The following DNAH7 variants were observed in gnomAD, a reference collection of about 807,000 sequenced individuals.
The protein encoded by DNAH7 is dynein axonemal heavy chain 7.
In DNAH7, 397 loss-of-function variants were observed where a neutral mutation model predicts 444.6. The ratio of observed to expected loss-of-function variants is 0.89; its 90% CI spans 0.82 to 0.97. The LOEUF is 0.97. DNAH7 is among the 50% of genes least tolerant of loss of function. The pLI, the probability that DNAH7 is intolerant of heterozygous loss-of-function variation, is 0.00. For synonymous variants in DNAH7, 1,636 were observed against 1,624.4 expected, an observed-to-expected ratio of 1.01 and a Z score of -0.17; for missense variants, 4,902 against 4,800.8, an observed-to-expected ratio of 1.02 and a Z score of -0.62.
intron 15 of DNAH7, among the ~76,000 whole-genome samples, chr2:195,976,780 A>AGAGAGAGAGAGAGAGAGG (rs1559295046): frequency 1.3e-5 from 2 of 148,914 alleles, no homozygotes; most frequent in African/African-American, 4.9e-5. Flanking sequence ...AGAGAGAGAG[A>AGAGAGAGAGAGAGAGAGG]GAGAGAGACT....
intron 17 of DNAH7, among the ~76,000 whole-genome samples, chr2:195,965,164 G>T (rs1691390318): frequency 2.0e-5 from 3 of 152,056 alleles, no homozygotes; most frequent in South Asian, 4.1e-4. Context: ...TTTTATGAGG[G>T]TTTTCATCAT....
intron 19 of DNAH7, among the ~76,000 whole-genome samples, chr2:195,952,394 G>T (rs879792480): frequency 6.6e-6 from 1 of 151,964 alleles, no homozygotes; most frequent in South Asian, 2.1e-4. Context: ...TGAATCTGAC[G>T]ACTATGTGTC....
chr2:195,873,445 G>C (rs1310638021), intron 39 of DNAH7, 123 bp downstream of exon 39: 1 of 590,728 alleles, frequency 1.7e-6, no homozygotes, highest in African/African-American at 1.9e-5. Context: ...AAACGATGTT[G>C]TCTGTTAACT....
At chr2:195,954,390 G>A (rs1238191409) in intron 19 of DNAH7, among the ~76,000 whole-genome samples, 1 of 152,222 alleles carries the variant, frequency 6.6e-6, no homozygotes, top group African/African-American at 2.4e-5. Context: ...GTATTCCATT[G>A]TGTATATGTG....
At position 196,000,691 on chromosome 2, in the gene DNAH7, C is replaced by A; in HGVS notation, c.1353+13G>T. The A allele has an allele frequency of 6.6e-7, 1 of 1,521,682 alleles. No individual in the cohort carries two copies. Among genetic ancestry groups the A allele is most frequent in the Admixed American group, 2.0e-5 (1 of 49,240 alleles). The allele number at this position is 1,521,682 out of a possible 1,614,324, so 94.3% of individuals were successfully genotyped here. ...ATGCAAATTCAAGCAATCTTAATAT[C>A]CTTGTTACTTACCCACTTGGAATAC... On this transcript the variant is annotated intron_variant, in intron 12 of 64. Coordinates refer to ENST00000312428, the MANE Select transcript of DNAH7 (RefSeq NM_018897.3).
Position 195,845,040 on chromosome 2 carries a change from A to AG in DNAH7, c.8906dup (p.Ser2970PhefsTer2). ...CATTATCAATGGAAAATGAGTCAGA[A>AG]GGTAATCCAGCAATATTCCAAGTTC... On this transcript the variant is annotated frameshift_variant, in exon 47 of 65. Coordinates refer to ENST00000312428, the MANE Select transcript of DNAH7 (RefSeq NM_018897.3). LOFTEE classifies it high-confidence loss of function. 1.2e-6 allele frequency: 2 copies of AG among 1,613,910 alleles called. No individual in the cohort carries two copies. The highest frequency in any genetic ancestry group is 1.7e-6 in the Non-Finnish European group (2 of 1,179,912).
rs1204586603 is a variant in DNAH7 at position 195,787,178 on chromosome 2, T to G, written c.10717-7A>C. 2 of 1,581,576 alleles carry G rather than the reference T, an allele frequency of 1.3e-6. No individual in the cohort carries two copies. Among genetic ancestry groups the G allele is most frequent in the African/African-American group, 2.7e-5 (2 of 72,882 alleles). On this transcript the variant is annotated splice_region_variant and splice_polypyrimidine_tract_variant and intron_variant, in intron 57 of 64. Coordinates refer to ENST00000312428, the MANE Select transcript of DNAH7 (RefSeq NM_018897.3). ...GCAATTTCTTGAATTCCTCCTGTAA[T>G]GAGAAGAAATGATGCCGCATCATTA...
chr2:195,906,820 T>C (rs747236969), intron 26 of DNAH7, 34 bp from the exon 27 acceptor site: 2 of 1,612,026 alleles, frequency 1.2e-6, no homozygotes, highest in South Asian at 1.1e-5. Context: ...GACTTAGTAA[T>C]ACCACATATA....
chr2:195,834,110 G>T, intron 48 of DNAH7, 96 bp downstream of exon 48: 1 of 1,270,902 alleles, frequency 7.9e-7, no homozygotes, highest in Non-Finnish European at 1.1e-6. Context: ...GGTAGGCTGA[G>T]GTGGGAGGAT....
chr2:195,984,858 G>A (rs1380292159), intron 14 of DNAH7, 148 bp from the exon 15 acceptor site: 1 of 684,466 alleles, frequency 1.5e-6, no homozygotes, highest in Non-Finnish European at 2.4e-6. Context: ...AAGCAAATTT[G>A]CATACATTTA....
chr2:195,813,208 G>A (rs1697051749), intron 51 of DNAH7, among the ~76,000 whole-genome samples: 4 of 152,302 alleles, frequency 2.6e-5, no homozygotes, highest in Admixed American at 1.3e-4. Flanking sequence ...TAAATGATTT[G>A]TGTTACAGTA....
chr2:195,784,863 A>C (rs12992242), intron 58 of DNAH7, among the ~76,000 whole-genome samples: 70,992 of 150,888 alleles, frequency 0.47, 18,183 homozygotes, highest in Non-Finnish European at 0.59. Flanking sequence ...TTATATGCTT[A>C]TCATATTGTA....
intron 12 of DNAH7, among the ~76,000 whole-genome samples, chr2:195,992,491 G>T (rs567153103): frequency 6.6e-6 from 1 of 152,318 alleles, no homozygotes; most frequent in African/African-American, 2.4e-5. Flanking sequence ...GCAGTAAACT[G>T]GCTGGGGCTT....
chr2:195,986,929 G>A, intron 14 of DNAH7, 137 bp downstream of exon 14: 3 of 791,296 alleles, frequency 3.8e-6, no homozygotes, highest in Admixed American at 2.9e-5. Flanking sequence ...TTAAAGCCAA[G>A]CAGAAATAAG....
At position 195,775,922 on chromosome 2, in the gene DNAH7, C is replaced by T. The variant is rs1428926077; in HGVS notation, c.11126G>A (p.Gly3709Glu). The T allele has an allele frequency of 1.2e-6, 2 of 1,614,102 alleles. No individual in the cohort carries two copies. Among genetic ancestry groups the T allele is most frequent in the Admixed American group, 1.7e-5 (1 of 60,030 alleles). The part of the protein sequence containing the change: ...LPLTPAPEIF[G>E]MNANADITKD... ...AGTGATATCTGCATTGGCATTCATC[C>T]CAAAGATTTCTGGTGCTGGGGTCAG... Residue 3709 changes from glycine (G) to glutamate (E), a missense_variant, in exon 60 of 65, where the codon GGG (glycine) becomes GAG (glutamate). Physicochemically the swap from Gly to Glu is moderately conservative, Grantham distance 98. Transcript: ENST00000312428.
At chr2:196,043,579 A>G (rs1353588956) in intron 5 of DNAH7, among the ~76,000 whole-genome samples, 1 of 151,698 alleles carries the variant, frequency 6.6e-6, no homozygotes, top group East Asian at 1.9e-4. Flanking sequence ...TAATTAAACT[A>G]AAAAGCTCCT....
intron 46 of DNAH7, among the ~76,000 whole-genome samples, chr2:195,851,317 A>C (rs1013119217): frequency 2.0e-5 from 3 of 152,220 alleles, no homozygotes; most frequent in East Asian, 3.8e-4. Context: ...AGATTTGTTA[A>C]GGAAAGTAAA....
intron 54 of DNAH7, among the ~76,000 whole-genome samples, chr2:195,803,035 T>C (rs1390355438): frequency 6.6e-6 from 1 of 152,256 alleles, no homozygotes; most frequent in Non-Finnish European, 1.5e-5. Context: ...TCAAACTTAT[T>C]GTCAGAAGAT....
chr2:195,886,181 A>G lies in DNAH7; in HGVS notation c.5498T>C (p.Leu1833Pro). 6.2e-7 allele frequency: 1 copy of G among 1,613,930 alleles called. No homozygotes were observed. Among genetic ancestry groups the G allele is most frequent in the Non-Finnish European group, 8.5e-7 (1 of 1,179,928 alleles). The change falls in exon 34 of 65, where the codon CTA becomes CCA. Residue 1833 changes from leucine (L) to proline (P), a missense_variant. Physicochemically the swap from Leu to Pro is moderately conservative, Grantham distance 98 (BLOSUM62 -3). Transcript: ENST00000312428. ...AGTTTCTCGATCATTTCTCTCCTTTAGTTTGACTTCATCAGCAAAATCATC... is the reference window on the plus strand; with the variant it reads ...AGTTTCTCGATCATTTCTCTCCTTTGGTTTGACTTCATCAGCAAAATCATC... The part of the protein sequence containing the change: ...FMDDFADEVK[L>P]KERNDRETYS...
Sources: allele counts gnomAD v4.1 joint callset (sites outside exome capture counted in the v4.1 genomes callset), GRCh38; gene constraint gnomAD v4.1.1; transcripts MANE v1.5; gene names NCBI Gene and HGNC (gene_info 2026-07-23, HGNC 2026-07-21).